The following HNRNPA1L3 variants were observed in gnomAD, a reference collection of about 807,000 sequenced individuals.
HNRNPA1L3 encodes the protein heterogeneous nuclear ribonucleoprotein A1-like 3.
At chr16:51,646,033 G>A in the HNRNPA1L3 span, 37 of 1,584,826 alleles carry the variant, frequency 2.3e-5, no homozygotes, top group Admixed American at 3.3e-5. Context: ...ATGCAGCTAT[G>A]AATGCAAGGC....
chr16:51,645,990 G>T, the HNRNPA1L3 span: 1 of 1,600,708 alleles, frequency 6.2e-7, no homozygotes, highest in Non-Finnish European at 8.5e-7. Flanking sequence ...AGGGGCTTTG[G>T]GTTTGTCACA....
the HNRNPA1L3 span, chr16:51,646,839 T>C: frequency 7.5e-5 from 106 of 1,406,054 alleles, no homozygotes; most frequent in African/African-American, 1.4e-3. Flanking sequence ...AAGCTACAGG[T>C]TACAACAGAT....
chr16:51,645,803 C>T, the HNRNPA1L3 span: 12 of 1,607,998 alleles, frequency 7.5e-6, no homozygotes, highest in East Asian at 2.7e-4. Flanking sequence ...TAAAGTCTCT[C>T]TTCACCCTGC....
At chr16:51,646,029 C>A in the HNRNPA1L3 span, 3 of 1,585,392 alleles carry the variant, frequency 1.9e-6, no homozygotes, top group Non-Finnish European at 2.6e-6. Flanking sequence ...GTGGATGCAG[C>A]TATGAATGCA....
chr16:51,646,043 C>A, the HNRNPA1L3 span: 12 of 1,582,606 alleles, frequency 7.6e-6, no homozygotes, highest in Non-Finnish European at 1.0e-5. Context: ...GAATGCAAGG[C>A]CACACAAGGT....
the HNRNPA1L3 span, chr16:51,646,074 C>A: frequency 4.4e-6 from 7 of 1,593,824 alleles, no homozygotes; most frequent in Non-Finnish European, 5.1e-6. Context: ...GTTGTGGAAC[C>A]AAAGAGAGCT....
chr16:51,646,861 G>A, the HNRNPA1L3 span: 2 of 1,078,678 alleles, frequency 1.9e-6, no homozygotes, highest in South Asian at 2.6e-5. Context: ...TGTGAACTCA[G>A]CCAAGCACAG....
chr16:51,646,284 A>G, the HNRNPA1L3 span: 2 of 1,595,610 alleles, frequency 1.3e-6, no homozygotes, highest in Non-Finnish European at 8.5e-7. Flanking sequence ...TTTGACGACC[A>G]TGACTCCGTG....
At chr16:51,645,859 G>A in the HNRNPA1L3 span, 27 of 1,605,566 alleles carry the variant, frequency 1.7e-5, no homozygotes, top group Non-Finnish European at 2.3e-5. Flanking sequence ...AACAGCTGAG[G>A]AAGCTCTTCA....
At chr16:51,646,525 A>C in the HNRNPA1L3 span, 1 of 1,597,502 alleles carries the variant, frequency 6.3e-7, no homozygotes, top group Non-Finnish European at 8.5e-7. Context: ...GTGGTGGTGG[A>C]TATGGTGGCA....
the HNRNPA1L3 span, chr16:51,646,626 C>T: frequency 6.3e-7 from 1 of 1,596,546 alleles, no homozygotes; most frequent in Non-Finnish European, 8.5e-7. Flanking sequence ...AACAATCAGT[C>T]TTCAAATTTT....
chr16:51,645,791 G>C, the HNRNPA1L3 span: 1 of 1,608,104 alleles, frequency 6.2e-7, no homozygotes, highest in Non-Finnish European at 8.5e-7. Context: ...AAGAAGCATC[G>C]TTAAAGTCTC....
At chr16:51,645,901 G>A in the HNRNPA1L3 span, 23 of 1,606,952 alleles carry the variant, frequency 1.4e-5, no homozygotes, top group Non-Finnish European at 1.9e-5. Context: ...CAACTGATGA[G>A]AGCCTGAGGA....
the HNRNPA1L3 span, chr16:51,646,448 G>A: frequency 4.4e-5 from 70 of 1,592,230 alleles, no homozygotes; most frequent in Middle Eastern, 4.4e-4. Context: ...AGGTGGTTTC[G>A]GTGGGAATGA....
the HNRNPA1L3 span, chr16:51,646,526 T>C: frequency 6.3e-7 from 1 of 1,597,312 alleles, no homozygotes; most frequent in South Asian, 1.1e-5. Flanking sequence ...TGGTGGTGGA[T>C]ATGGTGGCAG....
the HNRNPA1L3 span, chr16:51,646,817 G>A: frequency 2.6e-6 from 4 of 1,522,244 alleles, no homozygotes; most frequent in East Asian, 2.2e-5. Context: ...GAGAGCCAGA[G>A]AAGTGACAGG....
At chr16:51,645,868 C>A in the HNRNPA1L3 span, 1 of 1,607,154 alleles carries the variant, frequency 6.2e-7, no homozygotes, top group Non-Finnish European at 8.5e-7. Flanking sequence ...GGAAGCTCTT[C>A]ATTGGAGGGT....
the HNRNPA1L3 span, chr16:51,646,804 G>T: frequency 1.3e-6 from 2 of 1,568,458 alleles, no homozygotes; most frequent in Non-Finnish European, 1.7e-6. Flanking sequence ...CTTAGCAGGA[G>T]AGGAGAGCCA....
At chr16:51,646,315 A>G in the HNRNPA1L3 span, 1 of 1,579,988 alleles carries the variant, frequency 6.3e-7, no homozygotes, top group African/African-American at 1.3e-5. Flanking sequence ...TCATTCAGAA[A>G]TACCATACTG....
Sources: allele counts gnomAD v4.1 joint callset, GRCh38; gene constraint gnomAD v4.1.1; transcripts MANE v1.5; gene names NCBI Gene and HGNC (gene_info 2026-07-23, HGNC 2026-07-21).